ZNF558: variants seen among roughly 807,000 people sequenced by gnomAD.
The protein encoded by ZNF558 is zinc finger protein 558.
ZNF558 carries 23 observed loss-of-function variants against 37.6 expected under a neutral mutation model. That is an observed-to-expected ratio of 0.61 (90% confidence interval 0.44 to 0.87). ZNF558 has a LOEUF of 0.87. Among genes scored for constraint, ZNF558 ranks in the 40% least tolerant of loss-of-function variants. The pLI, the probability that ZNF558 is intolerant of heterozygous loss-of-function variation, is 0.00. For synonymous variants in ZNF558, 189 were observed against 174.4 expected (o/e 1.08, Z -0.66); for missense variants, 429 against 483.7 (o/e 0.89, Z 1.06).
chr19:8,826,361 C>T (rs993042529), intron 2 of ZNF558, among the ~76,000 whole-genome samples: 22 of 151,820 alleles, frequency 1.4e-4, no homozygotes, highest in African/African-American at 2.7e-4. Flanking sequence ...AATAATTATA[C>T]GACTCACCAT....
intron 7 of ZNF558, among the ~76,000 whole-genome samples, chr19:8,818,998 C>T (rs2044012991): frequency 6.6e-6 from 1 of 152,210 alleles, no homozygotes; most frequent in South Asian, 2.1e-4. Context: ...CCTTTCTCCA[C>T]ACCATAAGCA....
upstream of ZNF558, among the ~76,000 whole-genome samples, chr19:8,833,772 T>C (rs1230400722): frequency 6.6e-6 from 1 of 151,998 alleles, no homozygotes; most frequent in African/African-American, 2.4e-5. Flanking sequence ...GCAGATCACC[T>C]GAGGTCAGGA....
chr19:8,832,820 G>T (rs1025384932), upstream of ZNF558, among the ~76,000 whole-genome samples: 9 of 152,196 alleles, frequency 5.9e-5, no homozygotes, highest in Non-Finnish European at 1.3e-4. Context: ...CGGGAACCAG[G>T]CTGTGGTTGT....
At chr19:8,821,920 G>T in intron 6 of ZNF558, 83 bp downstream of exon 6, 1 of 1,577,300 alleles carries the variant, frequency 6.3e-7, no homozygotes, top group Non-Finnish European at 8.6e-7. Flanking sequence ...GTTTGGCCAT[G>T]AGGCTCCAGG....
rs1555768336 is a variant in ZNF558 at position 8,811,971 on chromosome 19, A to G, written c.519T>C (p.Ile173=). ...AGTCATAGGGTTTTTCTCCAGTATG[A>G]ATTCTCTTGTGCTGAGTTAGGTTAG... is the stretch of plus-strand genomic sequence containing the variant. ...TKSNLTQHKR[I]HTGEKPYDCS... is the part of the protein sequence containing the mutation. Residue 173 remains isoleucine (I), a synonymous_variant, in exon 10 of 10, where the codon ATT becomes ATC. Transcript: ENST00000601372. The G allele has an allele frequency of 6.2e-7, 1 of 1,614,106 alleles. No homozygotes were observed.
intron 6 of ZNF558, 112 bp from the exon 7 acceptor site, chr19:8,821,418 T>TG (rs74176667): frequency 5.1e-4 from 804 of 1,586,030 alleles, no homozygotes; most frequent in South Asian, 1.1e-3. Context: ...CACGAGATGT[T>TG]GGGGGGGGTG....
chr19:8,822,813 C>G lies in ZNF558; in HGVS notation c.-65-89G>C. The G allele has an allele frequency of 1.7e-6, 2 of 1,197,084 alleles. No individual in the cohort carries two copies. The highest frequency in any genetic ancestry group is 2.7e-5 in the South Asian group (2 of 74,404). The allele number at this position is 1,197,084 out of a possible 1,614,324, so 74.2% of individuals were successfully genotyped here. On this transcript the variant is annotated intron_variant, in intron 4 of 9. Transcript: ENST00000601372. This position sits in a 1 kb window ranked among gnomAD's most constrained non-coding sequence, Gnocchi z 4.4. ...GCCCTCCTCAACCCATCCTTCCCATCCTTCTTCAAATGCAAGTTCCGGCTT... is the reference window on the plus strand; with the variant it reads ...GCCCTCCTCAACCCATCCTTCCCATGCTTCTTCAAATGCAAGTTCCGGCTT...
At chr19:8,814,392 A>C (rs1363420885) in intron 7 of ZNF558, among the ~76,000 whole-genome samples, 1 of 152,208 alleles carries the variant, frequency 6.6e-6, no homozygotes, top group Non-Finnish European at 1.5e-5. Context: ...CGTGATCGAC[A>C]GATGTAAAGG....
At chr19:8,835,277 C>G (rs1336349519), upstream of ZNF558, among the ~76,000 whole-genome samples, 2 of 152,086 alleles carry the variant, frequency 1.3e-5, no homozygotes, top group African/African-American at 2.4e-5. Context: ...GTCTTGAACT[C>G]CTGACCTCAA....
chr19:8,815,057 C>A (rs1346037998), intron 7 of ZNF558, among the ~76,000 whole-genome samples: 1 of 4,122 alleles, frequency 2.4e-4, no homozygotes, highest in African/African-American at 8.6e-3. Context: ...TTCCAAATAC[C>A]CTAGTTTCAA....
upstream of ZNF558, among the ~76,000 whole-genome samples, chr19:8,836,054 AATAAG>A (rs577549720): frequency 4.6e-4 from 70 of 152,336 alleles, no homozygotes; most frequent in Middle Eastern, 3.4e-3. Flanking sequence ...TTTAGATGAA[AATAAG>A]ATTAGATAGT....
chr19:8,829,134 C>T (rs559205060), intron 2 of ZNF558, among the ~76,000 whole-genome samples: 2 of 151,876 alleles, frequency 1.3e-5, no homozygotes, highest in Admixed American at 6.5e-5. Context: ...TGGTGGTAGG[C>T]GCCTGTAATC....
upstream of ZNF558, chr19:8,833,620 TAGTTGTG>T (rs1303535553): frequency 1.3e-5 from 2 of 152,276 alleles, no homozygotes; most frequent in African/African-American, 4.8e-5. Flanking sequence ...ACGTGCATTT[TAGTTGTG>T]AGTTGGGCAG....
chr19:8,815,954 T>C (rs1246841197), intron 7 of ZNF558, among the ~76,000 whole-genome samples: 1 of 152,024 alleles, frequency 6.6e-6, no homozygotes, highest in East Asian at 1.9e-4. Flanking sequence ...AAATAATGGC[T>C]AAAAACTTCC....
rs1277479653 is a variant in ZNF558, at chr19:8,807,112, A to C, written c.*4169T>G. On this transcript the variant is annotated 3_prime_UTR_variant, in exon 10 of 10. Coordinates refer to ENST00000601372, the MANE Select transcript of ZNF558 (RefSeq NM_144693.3). ...ATAAATGGGGATATTTTCCTGTCTC[A>C]ATGGATGAAGGAGAGTGAGGTCTGA... 6.6e-6 allele frequency: 1 copy of C among 152,186 alleles called. No homozygotes were observed. The highest frequency in any genetic ancestry group is 1.5e-5 in the Non-Finnish European group (1 of 68,056). 9.4% of individuals were successfully genotyped at this position (152,186 alleles called of 1,614,324 possible). A position where few individuals can be genotyped will look rare whatever the true frequency, so the allele number is the denominator to read the frequency against.
chr19:8,806,228 T>C lies in ZNF558; in HGVS notation c.*5053A>G, dbSNP rs1200470438. 2 of 152,230 alleles carry C rather than the reference T, an allele frequency of 1.3e-5. No individual in the cohort carries two copies. The highest frequency in any genetic ancestry group is 2.1e-4 in the South Asian group (1 of 4,830). 9.4% of individuals were successfully genotyped at this position (152,230 alleles called of 1,614,324 possible). On this transcript the variant is annotated 3_prime_UTR_variant, in exon 10 of 10. Transcript: ENST00000601372. ...GATATACATAAAAGTTGTAAAACTA[T>C]ACAGGGTTGTTTTATACAGTCAGTA...
chr19:8,833,778 C>A (rs2044418226), upstream of ZNF558, among the ~76,000 whole-genome samples: 1 of 152,096 alleles, frequency 6.6e-6, no homozygotes, highest in Admixed American at 6.5e-5. Flanking sequence ...CACCTGAGGT[C>A]AGGAGTTCGA....
Position 8,809,511 on chromosome 19 carries a change from G to C in ZNF558, c.*1770C>G, listed in dbSNP as rs1402110045. 4 of 152,140 alleles carry C rather than the reference G, an allele frequency of 2.6e-5. No homozygotes were observed. The highest frequency in any genetic ancestry group is 5.9e-5 in the Non-Finnish European group (4 of 68,018). The allele number at this position is 152,140 out of a possible 1,614,324, so 9.4% of individuals were successfully genotyped here. A position where few individuals can be genotyped will look rare whatever the true frequency, so the allele number is the denominator to read the frequency against. The stretch of plus-strand genomic sequence containing the variant: ...CAACAGTATTTGGCATACCAAGATA[G>C]AGAGAAAATAATCAGTATCATAAAG... On this transcript the variant is annotated 3_prime_UTR_variant, in exon 10 of 10. Transcript: ENST00000601372.
At position 8,822,917 on chromosome 19, in the gene ZNF558, AACACAACG is replaced by A; in HGVS notation, c.-65-201_-65-194del. On this transcript the variant is annotated intron_variant, in intron 4 of 9. Coordinates refer to ENST00000601372, the MANE Select transcript of ZNF558 (RefSeq NM_144693.3). The surrounding 1 kb of genome is among the most constrained non-coding windows in gnomAD (Gnocchi z 4.4). ...GGAAAACTTGCCTTCCTCTGTCCCC[AACACAACG>A]ACCAGTACCTCCCTGACCCACCCGC... 1.8e-6 allele frequency: 1 copy of A among 566,206 alleles called. No individual in the cohort carries two copies. The highest frequency in any genetic ancestry group is 3.2e-6 in the Non-Finnish European group (1 of 316,216). The allele number at this position is 566,206 out of a possible 1,614,324, so 35.1% of individuals were successfully genotyped here.
Sources: gnomAD v4.1 joint callset for allele counts (sites outside exome capture counted in the v4.1 genomes callset) on GRCh38, gnomAD v4.1.1 for gene constraint, Gnocchi (gnomAD v3.1) non-coding constraint, MANE v1.5 for transcripts, NCBI Gene and HGNC (gene_info 2026-07-23, HGNC 2026-07-21) for gene names.